The following ZNF608 variants were observed in gnomAD, a reference collection of about 807,000 sequenced individuals.
ZNF608 encodes the protein zinc finger protein 608.
Under a neutral mutation model 109.0 loss-of-function variants are expected in ZNF608, and 12 were observed. The observed-to-expected ratio is 0.11, with a 90% confidence interval of 0.07 to 0.18. The LOEUF (loss-of-function observed/expected upper bound fraction) is 0.18, where lower values mean the gene tolerates loss of function less well. ZNF608 is among the 10% of genes least tolerant of loss of function. The pLI, the probability that ZNF608 is intolerant of heterozygous loss-of-function variation, is 1.00. For missense variants in ZNF608, 1,707 were observed against 1,879.3 expected (o/e 0.91, Z 1.70); for synonymous variants, 732 against 717.4 (o/e 1.02, Z -0.33).
chr5:124,667,544 T>C (rs1379421525), intron 3 of ZNF608, among the ~76,000 whole-genome samples: 1 of 152,214 alleles, frequency 6.6e-6, no homozygotes, highest in African/African-American at 2.4e-5. Context: ...GGGTCTTCGA[T>C]GTTGAAATTC....
chr5:124,651,414 C>A (rs1013171768), intron 3 of ZNF608, among the ~76,000 whole-genome samples: 2 of 152,172 alleles, frequency 1.3e-5, no homozygotes, highest in African/African-American at 4.8e-5. Context: ...AAGACCTTTG[C>A]AGCTGCTTAA....
In ZNF608 at chr5:124,744,355, T is replaced by G; in HGVS notation, c.635A>C (p.Lys212Thr). ...KRDKDAGKSR[K>T]DKHDLLQGHQ... is the part of the protein sequence containing the mutation. ...GCCCTGAAGCAGGTCGTGCTTGTCC[T>G]TCCTGGATTTCCCCGCATCCTTATC... The change falls in exon 2 of 10, where the codon AAG becomes ACG. Residue 212 changes from lysine (K) to threonine (T), a missense_variant. Coordinates refer to ENST00000513986, the MANE Select transcript of ZNF608 (RefSeq NM_020747.3). This position sits in a 1 kb window ranked among gnomAD's most constrained non-coding sequence, Gnocchi z 4.5. 1 of 1,614,266 alleles carries G rather than the reference T, an allele frequency of 6.2e-7. No homozygotes were observed. Among genetic ancestry groups the G allele is most frequent in the Non-Finnish European group, 8.5e-7 (1 of 1,180,044 alleles).
At chr5:124,711,060 T>C (rs1753468499) in intron 2 of ZNF608, among the ~76,000 whole-genome samples, 1 of 152,228 alleles carries the variant, frequency 6.6e-6, no homozygotes, top group South Asian at 2.1e-4. Context: ...GGCCACAGCC[T>C]GTCCCAATGA....
rs757072680 is a variant in ZNF608, at chr5:124,637,895, T to C, written c.*5A>G. 2 of 1,611,246 alleles carry C rather than the reference T, an allele frequency of 1.2e-6. No individual in the cohort carries two copies. On this transcript the variant is annotated 3_prime_UTR_variant, in exon 10 of 10. Transcript: ENST00000513986. The stretch of plus-strand genomic sequence containing the variant: ...GTCACATGACAATGTACATGTCCAA[T>C]CTTGTTATTCTCTGCAAAAGAAAAG...
intron 3 of ZNF608, among the ~76,000 whole-genome samples, chr5:124,687,039 A>G (rs1008647240): frequency 1.3e-5 from 2 of 152,246 alleles, no homozygotes; most frequent in Non-Finnish European, 2.9e-5. Context: ...AAGTTTCCAC[A>G]TTTCAGTCAA....
intron 3 of ZNF608, among the ~76,000 whole-genome samples, chr5:124,661,444 C>A (rs1015637714): frequency 6.6e-6 from 1 of 151,136 alleles, no homozygotes; most frequent in Admixed American, 6.6e-5. Flanking sequence ...TTCCCACCCT[C>A]CCCCATTCCA....
Position 124,662,128 on chromosome 5 carries a change from CA to C in ZNF608, c.1163-12432del, listed in dbSNP as rs1382492232. On this transcript the variant is annotated intron_variant, in intron 3 of 9. Transcript: ENST00000513986. Reference sequence around the variant, plus strand: ...TTCTGAAACTCCTGAAATTTGGCTCCAAATGTTAACTGCTAAATAAATACTT... The same window carrying C: ...TTCTGAAACTCCTGAAATTTGGCTCCAATGTTAACTGCTAAATAAATACTT... 7.9e-5 allele frequency among the ~76,000 whole-genome samples: 12 copies of C among 152,184 alleles called. No homozygotes were observed. The East Asian group carries it at 2.1e-3, about 27-fold the overall frequency.
intron 9 of ZNF608, among the ~76,000 whole-genome samples, chr5:124,638,617 C>T (rs55746312): frequency 0.35 from 52,952 of 151,934 alleles, 9,769 homozygotes; most frequent in Admixed American, 0.48. Flanking sequence ...TATTTTAATT[C>T]CATTCAAATG....
intron 3 of ZNF608, among the ~76,000 whole-genome samples, chr5:124,670,910 T>G (rs1365998217): frequency 6.6e-6 from 1 of 152,230 alleles, no homozygotes; most frequent in Non-Finnish European, 1.5e-5. Flanking sequence ...GATAGAAAAC[T>G]TTCTACCCCC....
intron 3 of ZNF608, among the ~76,000 whole-genome samples, chr5:124,677,257 C>A (rs760950073): frequency 6.6e-6 from 1 of 151,980 alleles, no homozygotes; most frequent in African/African-American, 2.4e-5. Flanking sequence ...GTGAACACAG[C>A]CTGAAGGAAA....
chr5:124,710,438 A>G (rs548770657), intron 2 of ZNF608: 29 of 360,572 alleles, frequency 8.0e-5, no homozygotes, highest in South Asian at 6.0e-4. Flanking sequence ...GTCACACTGT[A>G]TGGGAGCTAT....
At chr5:124,715,871 C>T (rs1213957729) in intron 2 of ZNF608, among the ~76,000 whole-genome samples, 1 of 151,980 alleles carries the variant, frequency 6.6e-6, no homozygotes, top group Non-Finnish European at 1.5e-5. Flanking sequence ...AGGCCGGGCG[C>T]GGTGGCTCAC....
At chr5:124,651,619 A>C (rs1239863841) in intron 3 of ZNF608, among the ~76,000 whole-genome samples, 1 of 152,290 alleles carries the variant, frequency 6.6e-6, no homozygotes, top group East Asian at 1.9e-4. Flanking sequence ...TTGCAGTAAT[A>C]AAATTAAAAA....
intron 2 of ZNF608, chr5:124,708,660 T>G (rs1371740005): frequency 2.2e-6 from 1 of 451,500 alleles, no homozygotes; most frequent in Non-Finnish European, 4.4e-6. Flanking sequence ...ATTCTAAAAC[T>G]ACCGTTATGC....
intron 3 of ZNF608, among the ~76,000 whole-genome samples, chr5:124,691,363 A>T (rs950414990): frequency 2.2e-4 from 34 of 152,322 alleles, no homozygotes; most frequent in African/African-American, 7.9e-4. Context: ...ATGTGTGAAG[A>T]TGCTCAGTGC....
chr5:124,704,641 G>A (rs906157567), intron 2 of ZNF608, among the ~76,000 whole-genome samples: 5 of 151,864 alleles, frequency 3.3e-5, no homozygotes, highest in Non-Finnish European at 5.9e-5. Flanking sequence ...CTCCTATTTC[G>A]TAAAATAATT....
intron 3 of ZNF608, among the ~76,000 whole-genome samples, chr5:124,659,331 C>T (rs1299041010): frequency 6.6e-6 from 1 of 152,048 alleles, no homozygotes; most frequent in Non-Finnish European, 1.5e-5. Context: ...ACTAAAAGGG[C>T]GTAGAAGGGT....
intron 2 of ZNF608, among the ~76,000 whole-genome samples, chr5:124,729,686 T>A (rs1748797832): frequency 6.6e-6 from 1 of 152,254 alleles, no homozygotes; most frequent in South Asian, 2.1e-4. Flanking sequence ...ACATATATGC[T>A]ATATTTAGTG....
At chr5:124,666,782 C>T (rs1191991924) in intron 3 of ZNF608, among the ~76,000 whole-genome samples, 1 of 147,960 alleles carries the variant, frequency 6.8e-6, no homozygotes, top group East Asian at 2.0e-4. Context: ...CAATTTATGG[C>T]CTTTAATGCT....
Sources: gnomAD v4.1 joint callset for allele counts (sites outside exome capture counted in the v4.1 genomes callset) on GRCh38, gnomAD v4.1.1 for gene constraint, Gnocchi (gnomAD v3.1) non-coding constraint, MANE v1.5 for transcripts, NCBI Gene and HGNC (gene_info 2026-07-23, HGNC 2026-07-21) for gene names.